Variants in SLC25A20 observed in about 807,000 individuals in gnomAD.
SLC25A20 encodes mitochondrial carnitine/acylcarnitine carrier protein.
Under a neutral mutation model 39.7 loss-of-function variants are expected in SLC25A20, and 29 were observed. The observed-to-expected ratio is 0.73, with a 90% CI of 0.54 to 1.00. The LOEUF (loss-of-function observed/expected upper bound fraction) is 1.00. SLC25A20 is among the 50% of genes least tolerant of loss of function. The probability of loss-of-function intolerance (pLI) is 0.00; values close to 1 mark genes in which losing one functional copy is unlikely to be tolerated. For synonymous variants in SLC25A20, 103 were observed against 142.2 expected (o/e 0.72, Z 1.96); for missense variants, 333 against 379.9 (o/e 0.88, Z 1.03).
intron 3 of SLC25A20, among the ~76,000 whole-genome samples, chr3:48,882,389 G>A (rs1414825630): frequency 6.6e-6 from 1 of 152,162 alleles, no homozygotes; most frequent in East Asian, 1.9e-4. Context: ...AACAAAAGTT[G>A]GAACCTTCTC....
chr3:48,865,134 A>ATT (rs398105855), intron 4 of SLC25A20, among the ~76,000 whole-genome samples: 194 of 148,532 alleles, frequency 1.3e-3, no homozygotes, highest in Middle Eastern at 3.4e-3. Context: ...TGGAGATATA[A>ATT]TTTTTTTTTT....
intron 1 of SLC25A20, among the ~76,000 whole-genome samples, chr3:48,894,407 C>A: frequency 6.8e-6 from 1 of 147,992 alleles, no homozygotes; most frequent in South Asian, 2.2e-4. Context: ...ATTACAGGTG[C>A]GTGCCACCAC....
At position 48,857,719 on chromosome 3, in the gene SLC25A20, G is replaced by T. The variant is rs1395525591; in HGVS notation, c.897C>A (p.Pro299=). 7 of 1,613,612 alleles carry T rather than the reference G, an allele frequency of 4.3e-6. No homozygotes were observed. In the African/African-American group the frequency reaches 9.3e-5, roughly 22 times the overall value. ...TGAGCAGCCTTCAGCCTCACAAGTT[G>T]GGGGTGGCCCAATTAAGGAACTTCA... ...VAMKFLNWAT[P]NL is the part of the protein sequence containing the mutation. Residue 299 remains proline (P), a synonymous_variant, in exon 9 of 9, where the codon CCC becomes CCA. Coordinates refer to ENST00000319017, the MANE Select transcript of SLC25A20 (RefSeq NM_000387.6).
chr3:48,888,744 T>A (rs1435325695), intron 2 of SLC25A20, among the ~76,000 whole-genome samples: 1 of 152,034 alleles, frequency 6.6e-6, no homozygotes, highest in African/African-American at 2.4e-5. Context: ...TTCTGTATAT[T>A]TAATCAAGGC....
At chr3:48,859,449 A>T in intron 6 of SLC25A20, 106 bp downstream of exon 6, 1 of 997,264 alleles carries the variant, frequency 1.0e-6, no homozygotes, top group Non-Finnish European at 1.6e-6. Context: ...AGGAAAGCAG[A>T]CATGGAGCCA....
intron 5 of SLC25A20, 83 bp downstream of exon 5, chr3:48,862,458 TG>T: frequency 1.2e-6 from 1 of 840,934 alleles, no homozygotes; most frequent in Non-Finnish European, 2.1e-6. Context: ...AAGGCTAATC[TG>T]GCAATCCAGG....
At chr3:48,888,882 C>T (rs1161676489) in intron 2 of SLC25A20, among the ~76,000 whole-genome samples, 2 of 151,720 alleles carry the variant, frequency 1.3e-5, no homozygotes, top group African/African-American at 4.8e-5. Flanking sequence ...GTCAGGAGAT[C>T]GAGACCATCC....
chr3:48,896,272 C>T (rs1253327635), intron 1 of SLC25A20, among the ~76,000 whole-genome samples: 1 of 151,770 alleles, frequency 6.6e-6, no homozygotes, highest in Non-Finnish European at 1.5e-5. Flanking sequence ...TAGGTTCAAC[C>T]GATCCTCCAG....
intron 5 of SLC25A20, among the ~76,000 whole-genome samples, chr3:48,860,195 G>T (rs2083613624): frequency 6.6e-6 from 1 of 152,018 alleles, no homozygotes; most frequent in Non-Finnish European, 1.5e-5. Context: ...CAGCTACTCA[G>T]GAGGCTGAGG....
chr3:48,893,489 T>C (rs1304533232), intron 1 of SLC25A20, among the ~76,000 whole-genome samples: 5 of 151,896 alleles, frequency 3.3e-5, no homozygotes, highest in African/African-American at 9.7e-5. Flanking sequence ...AAAACTGTGA[T>C]GGTGCCACTA....
At chr3:48,887,576 G>A (rs1046253599) in intron 2 of SLC25A20, among the ~76,000 whole-genome samples, 8 of 152,090 alleles carry the variant, frequency 5.3e-5, no homozygotes, top group Non-Finnish European at 1.0e-4. Context: ...ACTCTACCCT[G>A]GGCACTAGAG....
At chr3:48,895,636 C>T in intron 1 of SLC25A20, 3 of 249,628 alleles carry the variant, frequency 1.2e-5, no homozygotes, top group South Asian at 4.2e-5. Context: ...ATTTATTATT[C>T]TTGTATTTGT....
chr3:48,889,570 T>C (rs2083858094), intron 2 of SLC25A20, among the ~76,000 whole-genome samples: 1 of 151,504 alleles, frequency 6.6e-6, no homozygotes. Flanking sequence ...GATGCAGGTG[T>C]ACATTTTCTT....
chr3:48,885,613 G>A (rs186598014), intron 2 of SLC25A20, among the ~76,000 whole-genome samples: 1 of 152,152 alleles, frequency 6.6e-6, no homozygotes, highest in Non-Finnish European at 1.5e-5. Flanking sequence ...GACCATCATG[G>A]CCAACATGGT....
At chr3:48,890,481 G>A (rs1402680634) in intron 2 of SLC25A20, among the ~76,000 whole-genome samples, 9 of 151,618 alleles carry the variant, frequency 5.9e-5, no homozygotes, top group African/African-American at 1.2e-4. Context: ...GAGCCACCGC[G>A]CCCGGCCTGA....
In SLC25A20 at chr3:48,857,338, C is replaced by T. The variant is rs890993344; in HGVS notation, c.*372G>A. The T allele has an allele frequency of 1.8e-5, 5 of 282,400 alleles. No individual in the cohort carries two copies. The highest frequency in any genetic ancestry group is 2.8e-5 in the Non-Finnish European group (4 of 143,390). 17.5% of individuals were successfully genotyped at this position (282,400 alleles called of 1,614,324 possible). A position where few individuals can be genotyped will look rare whatever the true frequency, so the allele number is the denominator to read the frequency against. ...CTGGTGATCTGGTTGAAAATATGCA[C>T]AGTGCCTCCAGTGAGAACCTGAGAT... On this transcript the variant is annotated 3_prime_UTR_variant, in exon 9 of 9. Transcript: ENST00000319017.
intron 4 of SLC25A20, among the ~76,000 whole-genome samples, chr3:48,863,203 A>G (rs1323203253): frequency 1.3e-5 from 2 of 152,204 alleles, no homozygotes; most frequent in African/African-American, 2.4e-5. Flanking sequence ...AAATTTAAAA[A>G]TAAAAAATAA....
At chr3:48,868,834 G>A (rs1323449586) in intron 4 of SLC25A20, among the ~76,000 whole-genome samples, 1 of 152,130 alleles carries the variant, frequency 6.6e-6, no homozygotes, top group African/African-American at 2.4e-5. Flanking sequence ...TACCAGCGTG[G>A]AGTCAGAGAA....
At chr3:48,894,424 GTAAC>G (rs2083898802) in intron 1 of SLC25A20, among the ~76,000 whole-genome samples, 1 of 148,984 alleles carries the variant, frequency 6.7e-6, no homozygotes, top group Non-Finnish European at 1.5e-5. Flanking sequence ...CCACACCCAG[GTAAC>G]TTTTGCATTT....
Sources: allele counts gnomAD v4.1 joint callset (sites outside exome capture counted in the v4.1 genomes callset), GRCh38; gene constraint gnomAD v4.1.1; transcripts MANE v1.5; gene names NCBI Gene and HGNC (gene_info 2026-07-23, HGNC 2026-07-21).